The following SERPINB11 variants were observed in gnomAD, a reference collection of about 807,000 sequenced individuals.
SERPINB11 encodes serpin family B member 11.
SERPINB11 carries 32 observed loss-of-function variants against 36.7 expected under a neutral mutation model. The observed-to-expected ratio is 0.87, with a 90% CI of 0.66 to 1.17. The LOEUF (loss-of-function observed/expected upper bound fraction) is 1.17, where lower values mean the gene tolerates loss of function less well. Ranked by LOEUF, SERPINB11 falls within the 50% of genes most tolerant of loss-of-function variation. The probability of loss-of-function intolerance (pLI) is 0.00; values close to 1 mark genes in which losing one functional copy is unlikely to be tolerated. For missense variants in SERPINB11, 528 were observed against 458.4 expected (o/e 1.15, Z -1.39); for synonymous variants, 174 against 168.1 (o/e 1.04, Z -0.27).
chr18:63,723,211 G>A lies in SERPINB11; in HGVS notation c.991G>A (p.Ala331Thr), dbSNP rs1304790172. The A allele has an allele frequency of 6.2e-7, 1 of 1,613,838 alleles. No individual in the cohort carries two copies. The highest frequency in any genetic ancestry group is 1.3e-5 in the African/African-American group (1 of 75,030). The change falls in exon 8 of 8, where the codon GCC becomes ACC. Residue 331 changes from alanine to threonine, a missense_variant. Physicochemically the swap from Ala to Thr is moderately conservative, Grantham distance 58 (BLOSUM62 0). Transcript: ENST00000544088. Reference protein sequence around the residue: ...SPTKGLYLSKAIHKSYLDVSE... With the variant: ...SPTKGLYLSKTIHKSYLDVSE... ...AACCAAGGGCCTATATTTATCAAAA[G>A]CCATCCACAAGTCATACCTGGATGT...
intron 4 of SERPINB11, among the ~76,000 whole-genome samples, chr18:63,713,541 TC>T (rs1426343412): frequency 1.3e-5 from 2 of 152,216 alleles, no homozygotes; most frequent in African/African-American, 4.8e-5. Flanking sequence ...TTTCTAATGT[TC>T]TTCCCTGGCC....
At chr18:63,710,076 A>C in intron 1 of SERPINB11, 103 bp from the exon 2 acceptor site, 1 of 832,174 alleles carries the variant, frequency 1.2e-6, no homozygotes, top group Non-Finnish European at 1.8e-6. Context: ...TTCATGAAGC[A>C]GTGTGCCCTG....
chr18:63,713,624 G>T (rs1245900899), intron 4 of SERPINB11, among the ~76,000 whole-genome samples: 2 of 152,144 alleles, frequency 1.3e-5, no homozygotes, highest in Non-Finnish European at 2.9e-5. Context: ...GCAACTTGGG[G>T]TAGGTATTAT....
intron 4 of SERPINB11, among the ~76,000 whole-genome samples, chr18:63,714,946 T>C (rs183090052): frequency 6.6e-6 from 1 of 152,298 alleles, no homozygotes; most frequent in African/African-American, 2.4e-5. Flanking sequence ...ACAATTTATG[T>C]TCAGAGATTG....
chr18:63,704,913 C>G (rs1914332043), intron 1 of SERPINB11, among the ~76,000 whole-genome samples: 3 of 152,170 alleles, frequency 2.0e-5, no homozygotes, highest in African/African-American at 7.2e-5. Context: ...GGAAGGAAAC[C>G]ATTTGGGCAT....
intron 3 of SERPINB11, 137 bp from the exon 4 acceptor site, chr18:63,712,428 A>G: frequency 3.6e-6 from 3 of 824,434 alleles, no homozygotes; most frequent in Non-Finnish European, 5.6e-6. Context: ...CAAGGAAGAA[A>G]ATGCTTTAAA....
intron 1 of SERPINB11, among the ~76,000 whole-genome samples, chr18:63,703,312 G>A (rs1271471214): frequency 1.3e-5 from 2 of 152,184 alleles, no homozygotes; most frequent in Non-Finnish European, 2.9e-5. Flanking sequence ...ACACAAGCTA[G>A]TCATGCATGC....
intron 1 of SERPINB11, among the ~76,000 whole-genome samples, chr18:63,706,514 GC>G (rs930959201): frequency 2.6e-5 from 4 of 152,156 alleles, no homozygotes; most frequent in African/African-American, 9.7e-5. Flanking sequence ...CTAAAAGAGG[GC>G]AAAGCTGTAA....
At chr18:63,715,062 C>T (rs12326769) in intron 4 of SERPINB11, among the ~76,000 whole-genome samples, 56,186 of 151,706 alleles carry the variant, frequency 0.37, 11,194 homozygotes, top group East Asian at 0.61. Context: ...TTCAGCAGGT[C>T]AGTCCCTCCG....
chr18:63,714,909 G>A (rs1307838591), intron 4 of SERPINB11, among the ~76,000 whole-genome samples: 1 of 152,180 alleles, frequency 6.6e-6, no homozygotes, highest in African/African-American at 2.4e-5. Flanking sequence ...ATTGATTAGG[G>A]AAGTGATAAA....
At chr18:63,715,370 G>A (rs924243642) in intron 4 of SERPINB11, among the ~76,000 whole-genome samples, 11 of 152,108 alleles carry the variant, frequency 7.2e-5, no homozygotes, top group African/African-American at 2.7e-4. Context: ...CTACACAGGA[G>A]GGCCTCCGGA....
At chr18:63,708,416 G>C (rs1914426854) in intron 1 of SERPINB11, among the ~76,000 whole-genome samples, 1 of 152,258 alleles carries the variant, frequency 6.6e-6, no homozygotes, top group African/African-American at 2.4e-5. Context: ...TGGGGAGCAT[G>C]AGAAATGTGC....
At chr18:63,706,920 T>C (rs1020942012) in intron 1 of SERPINB11, among the ~76,000 whole-genome samples, 1 of 152,182 alleles carries the variant, frequency 6.6e-6, no homozygotes, top group African/African-American at 2.4e-5. Context: ...GCTGCAGTAG[T>C]AGACACATGC....
At chr18:63,706,663 A>G (rs1274674278) in intron 1 of SERPINB11, among the ~76,000 whole-genome samples, 1 of 152,248 alleles carries the variant, frequency 6.6e-6, no homozygotes, top group African/African-American at 2.4e-5. Flanking sequence ...GGGTGTATAG[A>G]AAAACCCTTG....
chr18:63,711,041 G>T (rs761952526), intron 2 of SERPINB11, among the ~76,000 whole-genome samples: 1 of 152,140 alleles, frequency 6.6e-6, no homozygotes, highest in East Asian at 1.9e-4. Flanking sequence ...GTGTCCAGGG[G>T]ATAAGAGATT....
chr18:63,712,333 C>A (rs942329407), intron 3 of SERPINB11, among the ~76,000 whole-genome samples: 2 of 152,196 alleles, frequency 1.3e-5, no homozygotes, highest in African/African-American at 4.8e-5. Context: ...AACAAGTACA[C>A]ATGTATTATG....
chr18:63,720,103 A>G lies in SERPINB11; in HGVS notation c.566A>G (p.Gln189Arg). 1.2e-6 allele frequency: 2 copies of G among 1,609,590 alleles called. No homozygotes were observed. The highest frequency in any genetic ancestry group is 1.7e-6 in the Non-Finnish European group (2 of 1,176,586). ...VNAIYFKGQW[Q>R]NKFQVRETVK... is the part of the protein sequence containing the mutation. The stretch of plus-strand genomic sequence containing the variant: ...GCCATATATTTCAAAGGACAATGGC[A>G]AAATAAATTTCAAGTAAGAGAGACA... The change falls in exon 6 of 8, where the codon CAA becomes CGA. Residue 189 changes from glutamine (Q) to arginine (R), a missense_variant. By Grantham distance (43) the Gln-to-Arg change is conservative. Transcript: ENST00000544088.
At chr18:63,717,664 C>A (rs913696790) in intron 5 of SERPINB11, among the ~76,000 whole-genome samples, 5 of 151,758 alleles carry the variant, frequency 3.3e-5, no homozygotes, top group Non-Finnish European at 2.9e-5. Context: ...CTGTTTAAAT[C>A]TTTTGCCCAC....
At chr18:63,720,551 C>T (rs1012245837) in intron 6 of SERPINB11, 2 of 388,502 alleles carry the variant, frequency 5.1e-6, no homozygotes, top group East Asian at 9.5e-5. Flanking sequence ...TTTTTCTTCC[C>T]ACTAAAATCA....
Sources: allele counts gnomAD v4.1 joint callset (sites outside exome capture counted in the v4.1 genomes callset), GRCh38; gene constraint gnomAD v4.1.1; transcripts MANE v1.5; gene names NCBI Gene and HGNC (gene_info 2026-07-23, HGNC 2026-07-21).